The following CCSER1 variants were observed in gnomAD, a reference collection of about 807,000 sequenced individuals.
The protein encoded by CCSER1 is coiled-coil serine rich protein 1, also known as serine-rich coiled-coil domain-containing protein 1.
CCSER1 carries 41 observed loss-of-function variants against 82.0 expected under a neutral mutation model. The ratio of observed to expected loss-of-function variants is 0.50; its 90% confidence interval spans 0.39 to 0.65. The LOEUF is 0.65. CCSER1 is among the 30% of genes least tolerant of loss of function. The pLI, the probability that CCSER1 is intolerant of heterozygous loss-of-function variation, is 0.00. For missense variants in CCSER1, 1,119 were observed against 1,064.2 expected (o/e 1.05, Z -0.72); for synonymous variants, 414 against 383.9 (o/e 1.08, Z -0.92).
intron 10 of CCSER1, among the ~76,000 whole-genome samples, chr4:91,512,953 AT>A (rs914185897): frequency 6.6e-5 from 10 of 151,446 alleles, no homozygotes; most frequent in African/African-American, 1.5e-4. Flanking sequence ...GATACCTTTT[AT>A]TTTTTTTATC....
chr4:90,276,022 T>G (rs576343075), intron 1 of CCSER1, among the ~76,000 whole-genome samples: 15 of 152,220 alleles, frequency 9.9e-5, no homozygotes, highest in African/African-American at 3.4e-4. Flanking sequence ...CCATGAGTGG[T>G]CTTTACAATG....
intron 10 of CCSER1, among the ~76,000 whole-genome samples, chr4:91,275,876 A>G (rs1195008771): frequency 6.6e-6 from 1 of 152,158 alleles, no homozygotes; most frequent in Non-Finnish European, 1.5e-5. Context: ...TCTGTTGCAT[A>G]TAGATGTCCA....
chr4:90,769,865 C>T (rs977181892), intron 7 of CCSER1, among the ~76,000 whole-genome samples: 1 of 152,136 alleles, frequency 6.6e-6, no homozygotes, highest in African/African-American at 2.4e-5. Flanking sequence ...TAATTAGAGG[C>T]CAATACGCAG....
chr4:90,839,264 G>A (rs1412398718), intron 8 of CCSER1, among the ~76,000 whole-genome samples: 2 of 152,190 alleles, frequency 1.3e-5, no homozygotes. Flanking sequence ...TCTAATAAAT[G>A]TCTCAGTTAA....
chr4:90,180,639 T>C (rs1277425414), intron 1 of CCSER1, among the ~76,000 whole-genome samples: 1 of 152,076 alleles, frequency 6.6e-6, no homozygotes. Context: ...CCTCTGTGAC[T>C]TCATTATTAT....
chr4:90,139,750 C>T (rs1230549631), intron 1 of CCSER1, among the ~76,000 whole-genome samples: 5 of 151,984 alleles, frequency 3.3e-5, no homozygotes, highest in African/African-American at 9.7e-5. Flanking sequence ...GTCAGGAGTT[C>T]GAGACCAGCC....
chr4:91,097,992 T>C (rs891256754), intron 10 of CCSER1, among the ~76,000 whole-genome samples: 6 of 152,298 alleles, frequency 3.9e-5, no homozygotes, highest in Admixed American at 2.0e-4. Context: ...AAATTACTGA[T>C]GATACAAACC....
At chr4:90,278,844 A>C (rs535372369) in intron 1 of CCSER1, among the ~76,000 whole-genome samples, 2 of 152,076 alleles carry the variant, frequency 1.3e-5, no homozygotes, top group Non-Finnish European at 2.9e-5. Flanking sequence ...AGTTGAAAAA[A>C]ATGGAGTTGA....
chr4:91,427,225 G>A (rs1754038275), intron 10 of CCSER1, among the ~76,000 whole-genome samples: 1 of 152,054 alleles, frequency 6.6e-6, no homozygotes, highest in African/African-American at 2.4e-5. Flanking sequence ...CTTTTCAGAT[G>A]GGACACATTG....
At chr4:90,378,475 T>C (rs889608846) in intron 3 of CCSER1, among the ~76,000 whole-genome samples, 2 of 152,210 alleles carry the variant, frequency 1.3e-5, no homozygotes, top group African/African-American at 4.8e-5. Flanking sequence ...TTCACTATGC[T>C]GTACTTATAC....
At chr4:90,537,022 A>G (rs1236415231) in intron 5 of CCSER1, among the ~76,000 whole-genome samples, 1 of 152,168 alleles carries the variant, frequency 6.6e-6, no homozygotes, top group African/African-American at 2.4e-5. Context: ...ATTATTTGCC[A>G]CTTTTGCCGG....
At chr4:90,227,711 T>G (rs1743463095) in intron 1 of CCSER1, among the ~76,000 whole-genome samples, 1 of 152,180 alleles carries the variant, frequency 6.6e-6, no homozygotes, top group Non-Finnish European at 1.5e-5. Context: ...TCTGAGGTAC[T>G]GGGTTCATCT....
At chr4:90,829,616 A>G (rs1040233027) in intron 8 of CCSER1, among the ~76,000 whole-genome samples, 1 of 152,140 alleles carries the variant, frequency 6.6e-6, no homozygotes, top group African/African-American at 2.4e-5. Flanking sequence ...AGAAAAAGAG[A>G]GCGAGGCAAG....
intron 10 of CCSER1, among the ~76,000 whole-genome samples, chr4:91,382,498 C>T (rs1750981689): frequency 1.3e-5 from 2 of 152,194 alleles, no homozygotes; most frequent in Admixed American, 6.5e-5. Flanking sequence ...TCATGGGACC[C>T]TCTGAGCCAG....
At chr4:90,878,016 A>G (rs900722456) in intron 8 of CCSER1, among the ~76,000 whole-genome samples, 3 of 152,166 alleles carry the variant, frequency 2.0e-5, no homozygotes, top group Non-Finnish European at 2.9e-5. Context: ...ATCATGGGAA[A>G]TAAGCCAAGG....
chr4:90,521,682 G>A (rs983312775), intron 5 of CCSER1, among the ~76,000 whole-genome samples: 7 of 151,340 alleles, frequency 4.6e-5, no homozygotes, highest in African/African-American at 1.7e-4. Context: ...TTTTTTTTTA[G>A]ACTGAGCATT....
rs1316971789 is a variant in CCSER1, at chr4:90,239,351, A to G, written c.-41-68893A>G. On this transcript the variant is annotated intron_variant, in intron 1 of 10. Coordinates refer to ENST00000509176, the MANE Select transcript of CCSER1 (RefSeq NM_001145065.2). ...GACATATACTGCACTTTATGCATTG[A>G]TCTTTGACATAGAAAGATCAGCACG... 2.6e-5 allele frequency among the ~76,000 whole-genome samples: 4 copies of G among 152,188 alleles called. No individual in the cohort carries two copies. In the South Asian group the frequency reaches 6.2e-4, roughly 24 times the overall value.
chr4:90,198,699 T>A (rs962066187), intron 1 of CCSER1, among the ~76,000 whole-genome samples: 1 of 152,142 alleles, frequency 6.6e-6, no homozygotes. Context: ...AAAAGAACTA[T>A]TTCAAATCAA....
At chr4:91,186,708 T>G (rs1039290341) in intron 10 of CCSER1, among the ~76,000 whole-genome samples, 4 of 152,202 alleles carry the variant, frequency 2.6e-5, no homozygotes, top group Non-Finnish European at 4.4e-5. Context: ...CTATAGATAT[T>G]AAATTAACTA....
Sources: allele counts gnomAD v4.1 joint callset (sites outside exome capture counted in the v4.1 genomes callset), GRCh38; gene constraint gnomAD v4.1.1; transcripts MANE v1.5; gene names NCBI Gene and HGNC (gene_info 2026-07-23, HGNC 2026-07-21).